Variants in ACYP2 observed in about 807,000 individuals in gnomAD.
The protein encoded by ACYP2 is acylphosphatase 2.
Under a neutral mutation model 11.2 loss-of-function variants are expected in ACYP2, and 12 were observed. The ratio of observed to expected loss-of-function variants is 1.08; its 90% CI spans 0.69 to 1.74. ACYP2 has a LOEUF of 1.74. ACYP2 is among the 40% of genes most tolerant of loss of function. The pLI, the probability that ACYP2 is intolerant of heterozygous loss-of-function variation, is 0.00. For missense variants in ACYP2, 134 were observed against 101.9 expected (o/e 1.31, Z -1.35); for synonymous variants, 43 against 32.2 (o/e 1.33, Z -1.13).
chr2:54,093,123 A>T lies in ACYP2; in HGVS notation c.277+35763A>T, dbSNP rs140201669. ...CCAGAGTTGTGTGCCTCCTACATGT[A>T]AGTCTCTGCCTGAGAGTCAGTTTCC... On this transcript the variant is annotated intron_variant, in intron 4 of 6. Coordinates refer to ENST00000607452, the MANE Select transcript of ACYP2 (RefSeq NM_001320586.2). Among the ~76,000 whole-genome samples, 5 of 152,214 alleles carry T rather than the reference A, an allele frequency of 3.3e-5. No homozygotes were observed. In the East Asian group the frequency reaches 9.7e-4, roughly 29 times the overall value.
At chr2:54,006,118 G>A (rs1240696664) in intron 2 of ACYP2, among the ~76,000 whole-genome samples, 3 of 152,174 alleles carry the variant, frequency 2.0e-5, no homozygotes, top group African/African-American at 7.2e-5. Flanking sequence ...TGAGTAGCTG[G>A]GACTACAGGT....
At chr2:54,062,828 G>A (rs1172725942) in intron 4 of ACYP2, among the ~76,000 whole-genome samples, 1 of 152,224 alleles carries the variant, frequency 6.6e-6, no homozygotes, top group African/African-American at 2.4e-5. Flanking sequence ...AGATTTTGCA[G>A]TTGAAGCACA....
At chr2:54,262,716 CTT>C (rs772689841) in intron 6 of ACYP2, among the ~76,000 whole-genome samples, 1 of 146,388 alleles carries the variant, frequency 6.8e-6, no homozygotes, top group Admixed American at 6.8e-5. Context: ...TCTGTGATTA[CTT>C]TTTTTTTTTA....
chr2:54,026,784 T>G (rs1674311263), intron 2 of ACYP2, among the ~76,000 whole-genome samples: 1 of 152,184 alleles, frequency 6.6e-6, no homozygotes. Context: ...AAGACCATTA[T>G]TTTAAATTAA....
intron 4 of ACYP2, among the ~76,000 whole-genome samples, chr2:54,083,710 C>G (rs190152943): frequency 2.6e-5 from 4 of 152,092 alleles, no homozygotes; most frequent in African/African-American, 7.2e-5. Context: ...CCCATCCCCC[C>G]AAAGGCACAA....
intron 4 of ACYP2, among the ~76,000 whole-genome samples, chr2:54,090,401 T>G (rs1332065059): frequency 6.6e-6 from 1 of 151,956 alleles, no homozygotes; most frequent in Non-Finnish European, 1.5e-5. Flanking sequence ...GAGGCCGAGG[T>G]GGGCAGATCA....
chr2:54,098,436 T>C (rs139609801), intron 4 of ACYP2, among the ~76,000 whole-genome samples: 6 of 152,236 alleles, frequency 3.9e-5, no homozygotes, highest in African/African-American at 1.4e-4. Flanking sequence ...TGCCATTGAT[T>C]CATTAGAGAA....
At chr2:54,123,172 A>C in intron 4 of ACYP2, 1 of 393,050 alleles carries the variant, frequency 2.5e-6, no homozygotes, top group Non-Finnish European at 4.5e-6. Flanking sequence ...GAAAGTAGCC[A>C]GGAATGACAC....
intron 6 of ACYP2, among the ~76,000 whole-genome samples, chr2:54,271,929 C>T (rs1266025214): frequency 6.6e-6 from 1 of 152,104 alleles, no homozygotes; most frequent in East Asian, 1.9e-4. Context: ...ATAGTTTTCT[C>T]TCACCCCTTA....
At chr2:54,141,948 C>G in intron 6 of ACYP2, 1 of 584,132 alleles carries the variant, frequency 1.7e-6, no homozygotes, top group Non-Finnish European at 3.2e-6. Flanking sequence ...AGTGATCTTC[C>G]CACGTCAACC....
chr2:54,261,538 A>G (rs930702806), intron 6 of ACYP2, among the ~76,000 whole-genome samples: 5 of 152,200 alleles, frequency 3.3e-5, no homozygotes, highest in African/African-American at 1.2e-4. Flanking sequence ...GAAAAACATG[A>G]TGTTTTAAAA....
At chr2:54,243,100 T>C (rs1187587735) in intron 6 of ACYP2, among the ~76,000 whole-genome samples, 1 of 152,214 alleles carries the variant, frequency 6.6e-6, no homozygotes, top group Non-Finnish European at 1.5e-5. Context: ...GATGACAATA[T>C]TTTTTCCCAA....
At chr2:54,028,456 C>T (rs1365531910) in intron 2 of ACYP2, among the ~76,000 whole-genome samples, 2 of 152,180 alleles carry the variant, frequency 1.3e-5, no homozygotes, top group African/African-American at 2.4e-5. Context: ...TTATTTTTCT[C>T]TCTGTAAACA....
chr2:54,133,035 C>T (rs1681006507), intron 4 of ACYP2, among the ~76,000 whole-genome samples: 2 of 152,198 alleles, frequency 1.3e-5, no homozygotes, highest in Non-Finnish European at 2.9e-5. Context: ...TGAGCCACCA[C>T]ACCCGGCCCA....
At chr2:54,287,387 A>G (rs1380749193) in intron 6 of ACYP2, among the ~76,000 whole-genome samples, 1 of 151,950 alleles carries the variant, frequency 6.6e-6, no homozygotes, top group African/African-American at 2.4e-5. Flanking sequence ...ATACTGTCAC[A>G]CTGGCAATTA....
At chr2:54,040,523 G>A (rs1456084214) in intron 2 of ACYP2, among the ~76,000 whole-genome samples, 1 of 152,020 alleles carries the variant, frequency 6.6e-6, no homozygotes, top group Admixed American at 6.6e-5. Flanking sequence ...GAGGTACAAG[G>A]GCTGAATCTT....
At chr2:54,037,651 TC>T (rs1352413471) in intron 2 of ACYP2, among the ~76,000 whole-genome samples, 6 of 151,466 alleles carry the variant, frequency 4.0e-5, no homozygotes, top group Non-Finnish European at 7.4e-5. Context: ...CAAGTGATCC[TC>T]CCCCCTCACC....
chr2:54,002,708 A>G (rs181071327), intron 2 of ACYP2, among the ~76,000 whole-genome samples: 159 of 145,872 alleles, frequency 1.1e-3, no homozygotes, highest in Non-Finnish European at 1.5e-3. Context: ...CTGGAGTGCA[A>G]TGGTGCGATT....
chr2:54,092,328 A>G (rs1048001371), intron 4 of ACYP2, among the ~76,000 whole-genome samples: 8 of 152,244 alleles, frequency 5.3e-5, no homozygotes, highest in Non-Finnish European at 1.0e-4. Flanking sequence ...AGAAGTTGGG[A>G]TTTCTGCTTC....
Sources: allele counts gnomAD v4.1 joint callset (sites outside exome capture counted in the v4.1 genomes callset), GRCh38; gene constraint gnomAD v4.1.1; transcripts MANE v1.5; gene names NCBI Gene and HGNC (gene_info 2026-07-23, HGNC 2026-07-21).